SMC5: variants seen among roughly 807,000 people sequenced by gnomAD.
SMC5 encodes structural maintenance of chromosomes protein 5.
SMC5 carries 88 observed loss-of-function variants against 148.3 expected under a neutral mutation model. The ratio of observed to expected loss-of-function variants is 0.59; its 90% CI spans 0.50 to 0.71. The LOEUF (loss-of-function observed/expected upper bound fraction) is 0.71. SMC5 is among the 30% of genes least tolerant of loss of function. SMC5 has a pLI of 0.00. For missense variants in SMC5, 1,142 were observed against 1,298.9 expected (o/e 0.88, Z 1.86); for synonymous variants, 421 against 432.8 (o/e 0.97, Z 0.34).
At chr9:70,277,973 C>T (rs1205634418) in intron 4 of SMC5, among the ~76,000 whole-genome samples, 1 of 151,788 alleles carries the variant, frequency 6.6e-6, no homozygotes, top group Non-Finnish European at 1.5e-5. Context: ...TGAATGCTGT[C>T]TAGGGACAGC....
intron 17 of SMC5, among the ~76,000 whole-genome samples, chr9:70,325,847 G>A (rs937699266): frequency 3.3e-5 from 5 of 152,058 alleles, no homozygotes; most frequent in Admixed American, 1.3e-4. Context: ...TTTATAGTAG[G>A]GAGCCAATAG....
chr9:70,288,349 C>T (rs2034964885), intron 8 of SMC5, among the ~76,000 whole-genome samples: 2 of 152,054 alleles, frequency 1.3e-5, no homozygotes, highest in Admixed American at 6.6e-5. Context: ...TATATTTCTT[C>T]TCTTCCTATC....
At chr9:70,305,066 A>G (rs1376196422) in intron 10 of SMC5, among the ~76,000 whole-genome samples, 181 bp from the exon 11 acceptor site, 2 of 152,096 alleles carry the variant, frequency 1.3e-5, no homozygotes, top group Non-Finnish European at 2.9e-5. Flanking sequence ...CATGTACTGT[A>G]TTGATTGTTT....
At chr9:70,274,010 C>T (rs763646898) in intron 3 of SMC5, among the ~76,000 whole-genome samples, 1 of 152,182 alleles carries the variant, frequency 6.6e-6, no homozygotes, top group African/African-American at 2.4e-5. Context: ...TTACACTATT[C>T]CTCTATGCAG....
In SMC5 at chr9:70,277,448, G is replaced by A; in HGVS notation, c.519G>A (p.Gly173=). The A allele has an allele frequency of 6.3e-7, 1 of 1,593,636 alleles. No homozygotes were observed. The highest frequency in any genetic ancestry group is 2.3e-5 in the East Asian group (1 of 43,868). Residue 173 remains glycine, a synonymous_variant, in exon 4 of 25, where the codon GGG becomes GGA. Coordinates refer to ENST00000361138, the MANE Select transcript of SMC5 (RefSeq NM_015110.4). ...TTGCAGCCTTAAATATTCAAGTGGG[G>A]AATCTTTGCCAGTTTCTCCCTCAGG... ...EKVAALNIQV[G]NLCQFLPQDK...
intron 20 of SMC5, 87 bp downstream of exon 20, chr9:70,347,248 C>T: frequency 9.9e-7 from 1 of 1,012,126 alleles, no homozygotes; most frequent in Non-Finnish European, 1.5e-6. Context: ...GAGTTCCCTC[C>T]AGTACTTGCC....
intron 11 of SMC5, among the ~76,000 whole-genome samples, chr9:70,313,743 G>T (rs963766244): frequency 6.6e-6 from 1 of 151,978 alleles, no homozygotes; most frequent in Non-Finnish European, 1.5e-5. Flanking sequence ...CAGTTGATCC[G>T]CCCGTCTCGG....
rs1347409941 is a variant in SMC5 at position 70,347,166 on chromosome 9, G to A, written c.2664+5G>A. ...TTCACGGGACTGAATCCTACAGTAT[G>A]CCTGTTTCTCTATTCCCATTCTGCA... On this transcript the variant is annotated splice_donor_5th_base_variant and intron_variant, in intron 20 of 24. Transcript: ENST00000361138. 1 of 1,611,752 alleles carries A rather than the reference G, an allele frequency of 6.2e-7. No homozygotes were observed. Among genetic ancestry groups the A allele is most frequent in the Admixed American group, 1.7e-5 (1 of 59,900 alleles).
chr9:70,259,817 C>A (rs561002946), intron 1 of SMC5, among the ~76,000 whole-genome samples: 1 of 152,278 alleles, frequency 6.6e-6, no homozygotes, highest in African/African-American at 2.4e-5. Context: ...CAGTTTTCTT[C>A]CCTGGTTCCT....
At chr9:70,291,635 T>A (rs550024508) in intron 8 of SMC5, among the ~76,000 whole-genome samples, 5 of 152,212 alleles carry the variant, frequency 3.3e-5, no homozygotes, top group African/African-American at 1.2e-4. Context: ...TGTTATCTGC[T>A]TCAGGCAGTT....
At chr9:70,264,228 A>C in intron 1 of SMC5, 76 bp from the exon 2 acceptor site, 1 of 1,297,698 alleles carries the variant, frequency 7.7e-7, no homozygotes, top group South Asian at 1.8e-5. Flanking sequence ...GAATTTGAGG[A>C]AGCTCATAGA....
intron 17 of SMC5, among the ~76,000 whole-genome samples, chr9:70,329,200 T>G (rs2036160550): frequency 6.6e-6 from 1 of 152,376 alleles, no homozygotes; most frequent in African/African-American, 2.4e-5. Context: ...TCTTTACTTC[T>G]GCAAGTTTCT....
At chr9:70,334,561 C>A (rs2036309735) in intron 17 of SMC5, among the ~76,000 whole-genome samples, 1 of 152,040 alleles carries the variant, frequency 6.6e-6, no homozygotes, top group Non-Finnish European at 1.5e-5. Flanking sequence ...AGCCCAAGGT[C>A]TTGTTTTTGT....
Position 70,282,450 on chromosome 9 carries a change from A to C in SMC5, c.848A>C (p.Glu283Ala). 2.5e-6 allele frequency: 4 copies of C among 1,601,186 alleles called. No homozygotes were observed. Among genetic ancestry groups the C allele is most frequent in the Non-Finnish European group, 3.4e-6 (4 of 1,176,140 alleles). Reference protein sequence around the residue: ...VEYENVRQEYEEVKLVRDRVK... With the variant: ...VEYENVRQEYAEVKLVRDRVK... ...TATGAAAATGTTCGTCAGGAATATGAAGAAGTAAAACTAGTTCGTGACCGA... is the reference window on the plus strand; with the variant it reads ...TATGAAAATGTTCGTCAGGAATATGCAGAAGTAAAACTAGTTCGTGACCGA... Residue 283 changes from glutamate (E) to alanine (A), a missense_variant, in exon 7 of 25, where the codon GAA (glutamate) becomes GCA (alanine). Physicochemically the swap from Glu to Ala is moderately radical, Grantham distance 107. Around this residue, in one of 5 missense-constraint regions of SMC5, gnomAD observed 743 missense variants for 835.7 expected, o/e 0.89. Transcript: ENST00000361138.
chr9:70,345,679 G>T (rs974917065), intron 18 of SMC5, among the ~76,000 whole-genome samples: 2 of 151,962 alleles, frequency 1.3e-5, no homozygotes, highest in Non-Finnish European at 2.9e-5. Context: ...CCAAGATTAT[G>T]TAGGCCTTGT....
chr9:70,282,435 T>C lies in SMC5; in HGVS notation c.833T>C (p.Val278Ala). ...AKRPWVEYENVRQEYEEVKLV... is the reference protein window; with the variant it reads ...AKRPWVEYENARQEYEEVKLV... ...ATTATTTGCAAGGAATATGAAAATG[T>C]TCGTCAGGAATATGAAGAAGTAAAA... Residue 278 changes from valine (V) to alanine (A), a missense_variant, in exon 7 of 25, where the codon GTT (valine) becomes GCT (alanine). Coordinates refer to ENST00000361138, the MANE Select transcript of SMC5 (RefSeq NM_015110.4). The C allele has an allele frequency of 6.3e-7, 1 of 1,591,836 alleles. No individual in the cohort carries two copies. The highest frequency in any genetic ancestry group is 1.2e-5 in the South Asian group (1 of 84,606).
Position 70,278,611 on chromosome 9 carries a change from G to A in SMC5, c.664G>A (p.Glu222Lys). ...TGAACTCAAAAACTTAAGGGAGAAA[G>A]AAAAACAGCTCGAGGTACTTTAAAT... ...HCELKNLREK[E>K]KQLETSCKEK... Residue 222 changes from glutamate to lysine, a missense_variant, in exon 5 of 25, where the codon GAA becomes AAA. This residue lies in a region of SMC5 where 297 missense variants were observed against 302.6 expected (regional missense o/e 0.98). Coordinates refer to ENST00000361138, the MANE Select transcript of SMC5 (RefSeq NM_015110.4). 1 of 1,599,870 alleles carries A rather than the reference G, an allele frequency of 6.3e-7. No individual in the cohort carries two copies. The highest frequency in any genetic ancestry group is 1.4e-5 in the African/African-American group (1 of 73,770).
At chr9:70,322,239 T>G (rs1257384193) in intron 15 of SMC5, among the ~76,000 whole-genome samples, 1 of 152,228 alleles carries the variant, frequency 6.6e-6, no homozygotes, top group Non-Finnish European at 1.5e-5. Flanking sequence ...TTTAAACTTT[T>G]AACCCTTTCC....
chr9:70,339,428 C>CA (rs796734731), intron 17 of SMC5, among the ~76,000 whole-genome samples: 2,097 of 76,464 alleles, frequency 0.027, 16 homozygotes, highest in African/African-American at 0.042. Context: ...GACTCCGTCT[C>CA]AAAAAAAAAA....
Sources: gnomAD v4.1 joint callset for allele counts (sites outside exome capture counted in the v4.1 genomes callset) on GRCh38, gnomAD v4.1.1 for gene constraint, gnomAD v4.1.1 regional missense constraint, MANE v1.5 for transcripts, NCBI Gene and HGNC (gene_info 2026-07-23, HGNC 2026-07-21) for gene names.